LAMC3: variants seen among roughly 807,000 people sequenced by gnomAD.
The protein encoded by LAMC3 is laminin subunit gamma 3.
In LAMC3, 128 loss-of-function variants were observed where a neutral mutation model predicts 173.8. The ratio of observed to expected loss-of-function variants is 0.74; its 90% confidence interval spans 0.64 to 0.85. The LOEUF is 0.85. LAMC3 is among the 40% of genes least tolerant of loss of function. The pLI, the probability that LAMC3 is intolerant of heterozygous loss-of-function variation, is 0.00. For missense variants in LAMC3, 2,022 were observed against 2,156.0 expected (o/e 0.94, Z 1.23); for synonymous variants, 897 against 909.1 (o/e 0.99, Z 0.24).
chr9:131,032,950 G>A (rs57421433), intron 3 of LAMC3, among the ~76,000 whole-genome samples: 17,396 of 152,298 alleles, frequency 0.11, 1,242 homozygotes, highest in Middle Eastern at 0.28. Flanking sequence ...TTACAGGCAT[G>A]AGCCACGGCC....
At chr9:131,010,882 G>A (rs550928243) in intron 1 of LAMC3, among the ~76,000 whole-genome samples, 169 of 152,262 alleles carry the variant, frequency 1.1e-3, no homozygotes, top group Non-Finnish European at 1.7e-3. Context: ...TCCTCCCTCC[G>A]TGTTCAGCCC....
At chr9:131,023,851 CT>C (rs1833673043) in intron 1 of LAMC3, among the ~76,000 whole-genome samples, 2 of 152,082 alleles carry the variant, frequency 1.3e-5, no homozygotes, top group Admixed American at 1.3e-4. Flanking sequence ...CAATCTACTC[CT>C]CCTTTGTCAG....
intron 7 of LAMC3, among the ~76,000 whole-genome samples, chr9:131,042,946 G>A (rs1834082454): frequency 7.0e-6 from 1 of 143,794 alleles, no homozygotes; most frequent in African/African-American, 2.8e-5. Flanking sequence ...CACCATGGCA[G>A]ACATCACTGA....
chr9:131,072,903 A>G, intron 19 of LAMC3, 68 bp downstream of exon 19: 1 of 1,450,190 alleles, frequency 6.9e-7, no homozygotes, highest in Non-Finnish European at 9.5e-7. Context: ...CAGCCCTCCC[A>G]TTGACCTGGT....
chr9:131,063,593 G>A (rs183672872), intron 13 of LAMC3, among the ~76,000 whole-genome samples: 66 of 152,298 alleles, frequency 4.3e-4, no homozygotes, highest in African/African-American at 1.3e-3. Flanking sequence ...AGGGTTGACC[G>A]GGGTCAAGTC....
intron 11 of LAMC3, among the ~76,000 whole-genome samples, chr9:131,055,683 C>G (rs1424020425): frequency 2.0e-5 from 3 of 151,876 alleles, no homozygotes; most frequent in Non-Finnish European, 4.4e-5. Flanking sequence ...CCTCAGCCTC[C>G]CAAAGTCCTG....
Position 131,069,577 on chromosome 9 carries a change from G to A in LAMC3, c.2891-95G>A, listed in dbSNP as rs1023601591. ...GCCTAGGGCATTCTGGGAACACCCA[G>A]AACCCAGCACGCACTGCCCCTGGCC... is the stretch of plus-strand genomic sequence containing the variant. On this transcript the variant is annotated intron_variant, in intron 16 of 27. Coordinates refer to ENST00000361069, the MANE Select transcript of LAMC3 (RefSeq NM_006059.4). 4.1e-5 allele frequency: 47 copies of A among 1,154,816 alleles called. No homozygotes were observed. In the Admixed American group the frequency reaches 7.1e-4, roughly 17 times the overall value. The allele number at this position is 1,154,816 out of a possible 1,614,324, so 71.5% of individuals were successfully genotyped here. A position where few individuals can be genotyped will look rare whatever the true frequency, so the allele number is the denominator to read the frequency against.
intron 13 of LAMC3, among the ~76,000 whole-genome samples, chr9:131,061,881 T>C (rs7032149): frequency 0.73 from 107,781 of 148,352 alleles, 38,684 homozygotes; most frequent in African/African-American, 0.8. Context: ...GAGACTCCCA[T>C]CTCTAAAAAA....
intron 25 of LAMC3, among the ~76,000 whole-genome samples, chr9:131,086,808 T>G (rs914199019): frequency 6.6e-6 from 1 of 151,662 alleles, no homozygotes; most frequent in African/African-American, 2.4e-5. Context: ...AAGAATTGCT[T>G]GAACCTGGGA....
intron 1 of LAMC3, among the ~76,000 whole-genome samples, chr9:131,012,073 A>ACACACG (rs1833425386): frequency 6.6e-6 from 1 of 151,668 alleles, no homozygotes; most frequent in East Asian, 1.9e-4. Context: ...ACACACACAC[A>ACACACG]CACACACACA....
chr9:131,064,459 C>T (rs551324907), intron 13 of LAMC3, among the ~76,000 whole-genome samples: 1 of 148,306 alleles, frequency 6.7e-6, no homozygotes, highest in East Asian at 2.1e-4. Context: ...GTCAGGAGAT[C>T]GAGACCATCC....
intron 4 of LAMC3, among the ~76,000 whole-genome samples, chr9:131,037,826 A>G (rs1833972665): frequency 1.3e-5 from 2 of 152,154 alleles, no homozygotes; most frequent in African/African-American, 2.4e-5. Flanking sequence ...AGTAACATCT[A>G]TTCCCTGCTT....
chr9:131,062,292 C>T lies in LAMC3; in HGVS notation c.2347+1069C>T, dbSNP rs61699533. ...AGGAGAATCGCATGAACCCAGGAGG[C>T]GGAGGTTGCAGTGAGCCAAGATCGC... On this transcript the variant is annotated intron_variant, in intron 13 of 27. Coordinates refer to ENST00000361069, the MANE Select transcript of LAMC3 (RefSeq NM_006059.4). 7.3e-3 allele frequency among the ~76,000 whole-genome samples: 1,113 copies of T among 152,000 alleles called. 17 individuals are homozygous for T. Among genetic ancestry groups the T allele is most frequent in the African/African-American group, 0.026 (1,066 of 41,424 alleles).
intron 13 of LAMC3, among the ~76,000 whole-genome samples, chr9:131,066,668 G>A (rs1829938965): frequency 6.6e-6 from 1 of 152,084 alleles, no homozygotes; most frequent in African/African-American, 2.4e-5. Context: ...TGTCAGGCTG[G>A]ATGTTAAGCG....
intron 24 of LAMC3, among the ~76,000 whole-genome samples, chr9:131,085,199 C>T (rs1324257520): frequency 2.6e-5 from 4 of 152,122 alleles, no homozygotes; most frequent in Admixed American, 6.6e-5. Flanking sequence ...ATGAAAATGC[C>T]GAGCTGAGCA....
chr9:131,065,836 TCAA>T (rs1829923177), intron 13 of LAMC3, among the ~76,000 whole-genome samples: 1 of 122,420 alleles, frequency 8.2e-6, no homozygotes, highest in Non-Finnish European at 1.8e-5. Context: ...AGAATAATGG[TCAA>T]GATGATGATG....
In LAMC3 at chr9:131,087,778, A is replaced by G. The variant is rs753833079; in HGVS notation, c.4438A>G (p.Lys1480Glu). ...QIRESRISLE[K>E]DIETLSELLA... ...CCGGGAATCGCGTATCTCACTGGAG[A>G]AGGACATCGAGACCTTGTCAGAGCT... The change falls in exon 27 of 28, where the codon AAG becomes GAG. Residue 1480 changes from lysine (K) to glutamate (E), a missense_variant. Physicochemically the swap from Lys to Glu is moderately conservative, Grantham distance 56 (BLOSUM62 1). Coordinates refer to ENST00000361069, the MANE Select transcript of LAMC3 (RefSeq NM_006059.4). 2.3e-5 allele frequency: 37 copies of G among 1,613,938 alleles called. No homozygotes were observed. Among genetic ancestry groups the G allele is most frequent in the Non-Finnish European group, 3.0e-5 (35 of 1,180,030 alleles).
chr9:131,065,732 G>A (rs546595940), intron 13 of LAMC3, among the ~76,000 whole-genome samples: 2 of 152,318 alleles, frequency 1.3e-5, no homozygotes, highest in South Asian at 2.1e-4. Flanking sequence ...ACCACCACAC[G>A]TGATCACGGG....
chr9:131,044,016 T>G (rs948877320), intron 7 of LAMC3, among the ~76,000 whole-genome samples: 1 of 149,086 alleles, frequency 6.7e-6, no homozygotes, highest in African/African-American at 2.5e-5. Flanking sequence ...TGGAGTGAAG[T>G]GGTATGATCT....
Sources: gnomAD v4.1 joint callset for allele counts (sites outside exome capture counted in the v4.1 genomes callset) on GRCh38, gnomAD v4.1.1 for gene constraint, MANE v1.5 for transcripts, NCBI Gene and HGNC (gene_info 2026-07-23, HGNC 2026-07-21) for gene names.